Variants in OIT3 observed in about 807,000 individuals in gnomAD.
The protein encoded by OIT3 is oncoprotein-induced transcript 3 protein.
Under a neutral mutation model 52.2 loss-of-function variants are expected in OIT3, and 41 were observed. That is an observed-to-expected ratio of 0.79 (90% confidence interval 0.61 to 1.02). The LOEUF is 1.02. Among genes scored for constraint, OIT3 ranks in the 50% least tolerant of loss-of-function variants. The pLI is 0.00. For synonymous variants in OIT3, 244 were observed against 276.9 expected, an observed-to-expected ratio of 0.88 and a Z score of 1.18; for missense variants, 634 against 715.5, an observed-to-expected ratio of 0.89 and a Z score of 1.30.
intron 6 of OIT3, among the ~76,000 whole-genome samples, chr10:72,917,159 G>A (rs948380441): frequency 3.0e-4 from 46 of 152,038 alleles, no homozygotes; most frequent in Non-Finnish European, 8.8e-5. Context: ...AAGCTCTTTA[G>A]TTTAATTAGA....
At chr10:72,926,285 A>G (rs1223224687) in intron 7 of OIT3, among the ~76,000 whole-genome samples, 2 of 152,188 alleles carry the variant, frequency 1.3e-5, no homozygotes, top group Non-Finnish European at 2.9e-5. Context: ...TGCTGCTATC[A>G]ATCTCTTGCG....
chr10:72,899,039 G>A lies in OIT3; in HGVS notation c.436+1G>A, dbSNP rs755984906. On this transcript the variant is annotated splice_donor_variant, in intron 2 of 8. Coordinates refer to ENST00000334011, the MANE Select transcript of OIT3 (RefSeq NM_152635.3). LOFTEE classifies it high-confidence loss of function. ...GTCTGCTTCCACGTCTACTGTGGTCGTGAGTACCTTCCCTGTGCTCTTTTT... is the reference window on the plus strand; with the variant it reads ...GTCTGCTTCCACGTCTACTGTGGTCATGAGTACCTTCCCTGTGCTCTTTTT... 2.7e-5 allele frequency: 43 copies of A among 1,598,542 alleles called. No individual in the cohort carries two copies. The highest frequency in any genetic ancestry group is 2.7e-4 in the East Asian group (12 of 44,622).
chr10:72,918,609 A>G, intron 6 of OIT3: 1 of 739,770 alleles, frequency 1.4e-6, no homozygotes, highest in Admixed American at 1.9e-5. Flanking sequence ...GAACAGCCGC[A>G]CAGGACAGAA....
chr10:72,911,123 C>A (rs1424046440), intron 4 of OIT3, among the ~76,000 whole-genome samples: 2 of 151,988 alleles, frequency 1.3e-5, no homozygotes, highest in Non-Finnish European at 2.9e-5. Flanking sequence ...TAAACAAAAC[C>A]ATCCTGTGAA....
Position 72,932,509 on chromosome 10 carries a change from C to G in OIT3, c.1623C>G (p.Ile541Met). ...CGCTAACAGGCGGCCCGATCCGCAT[C>G]GACTGGGAGGACTAGTTCGTAGCCA... ...GQTLTGGPIR[I>M]DWED Residue 541 changes from isoleucine to methionine, a missense_variant, in exon 9 of 9, where the codon ATC becomes ATG. By Grantham distance (10) the Ile-to-Met change is conservative (BLOSUM62 1). Coordinates refer to ENST00000334011, the MANE Select transcript of OIT3 (RefSeq NM_152635.3). The G allele has an allele frequency of 6.2e-7, 1 of 1,606,726 alleles. No homozygotes were observed. The highest frequency in any genetic ancestry group is 8.5e-7 in the Non-Finnish European group (1 of 1,176,318).
intron 4 of OIT3, among the ~76,000 whole-genome samples, chr10:72,910,512 CA>C (rs565564577): frequency 1.1e-4 from 16 of 150,052 alleles, no homozygotes; most frequent in African/African-American, 3.2e-4. Context: ...AAACAAAAAA[CA>C]AAAAAAAATA....
At chr10:72,910,813 T>C (rs1846022312) in intron 4 of OIT3, among the ~76,000 whole-genome samples, 1 of 152,186 alleles carries the variant, frequency 6.6e-6, no homozygotes, top group African/African-American at 2.4e-5. Flanking sequence ...TTGTGGACCA[T>C]ACAGAATCTG....
chr10:72,924,245 T>C lies in OIT3; in HGVS notation c.968T>C (p.Ile323Thr), dbSNP rs1846147310. Residue 323 changes from isoleucine (I) to threonine (T), a missense_variant, in exon 7 of 9, where the codon ATT becomes ACT. Coordinates refer to ENST00000334011, the MANE Select transcript of OIT3 (RefSeq NM_152635.3). Reference sequence around the variant, plus strand: ...CTGGCTCAGGTGGTGAATGACAAGATTGTGGCCAGCAACCTCGTGACAGGT... The same window carrying C: ...CTGGCTCAGGTGGTGAATGACAAGACTGTGGCCAGCAACCTCGTGACAGGT... ...GTVVDVVNDKIVASNLVTGLP... is the reference protein window; with the variant it reads ...GTVVDVVNDKTVASNLVTGLP... 1 of 1,598,394 alleles carries C rather than the reference T, an allele frequency of 6.3e-7. No individual in the cohort carries two copies. The highest frequency in any genetic ancestry group is 8.6e-7 in the Non-Finnish European group (1 of 1,169,080).
chr10:72,928,254 A>G (rs1334921999), intron 7 of OIT3, among the ~76,000 whole-genome samples: 1 of 152,206 alleles, frequency 6.6e-6, no homozygotes, highest in Non-Finnish European at 1.5e-5. Flanking sequence ...AATCACTGGA[A>G]AAAGAAACAT....
intron 8 of OIT3, among the ~76,000 whole-genome samples, chr10:72,931,931 A>C (rs1475446193): frequency 6.6e-6 from 1 of 152,234 alleles, no homozygotes; most frequent in African/African-American, 2.4e-5. Context: ...AAGCTCAGGC[A>C]GTTACCTACA....
intron 6 of OIT3, chr10:72,918,008 ATCTTCATCT>A: frequency 2.5e-6 from 2 of 812,976 alleles, no homozygotes; most frequent in Non-Finnish European, 4.3e-6. Context: ...CTTCATCATC[ATCTTCATCT>A]TCTTCATCGT....
intron 8 of OIT3, 59 bp downstream of exon 8, chr10:72,930,696 T>G (rs78423621): frequency 1.1e-6 from 1 of 926,396 alleles, no homozygotes; most frequent in Non-Finnish European, 1.7e-6. Flanking sequence ...TTTTTTTTTT[T>G]GGTGTCCCAG....
chr10:72,913,966 A>G (rs1846052506), intron 6 of OIT3, among the ~76,000 whole-genome samples: 1 of 152,234 alleles, frequency 6.6e-6, no homozygotes, highest in South Asian at 2.1e-4. Flanking sequence ...CAGAATTGAG[A>G]TGACGACACA....
intron 4 of OIT3, among the ~76,000 whole-genome samples, chr10:72,910,925 G>A (rs1846023287): frequency 6.6e-6 from 1 of 152,176 alleles, no homozygotes; most frequent in African/African-American, 2.4e-5. Flanking sequence ...AATAATGTGT[G>A]CAGATTAGAA....
Position 72,929,290 on chromosome 10 carries a change from T to A in OIT3, c.1368-1248T>A, listed in dbSNP as rs1391105251. Among the ~76,000 whole-genome samples the A allele has an allele frequency of 4.0e-5, 6 of 151,816 alleles. No individual in the cohort carries two copies. The East Asian group carries it at 1.2e-3, about 29-fold the overall frequency. The stretch of plus-strand genomic sequence containing the variant: ...ACCCAGTTTAATCGGCTTTAATATC[T>A]GACCTCCACTTTTTTCCTGGCCCAG... On this transcript the variant is annotated intron_variant, in intron 7 of 8. Coordinates refer to ENST00000334011, the MANE Select transcript of OIT3 (RefSeq NM_152635.3).
Position 72,906,820 on chromosome 10 carries a change from C to T in OIT3, c.667+102C>T, listed in dbSNP as rs891347036. ...TGCCTTAGTGTCCGAAGAGAGCAAC[C>T]GTTTGGCTGTGCAAAGAAATGACAA... On this transcript the variant is annotated intron_variant, in intron 4 of 8. Transcript: ENST00000334011. 64 of 1,135,178 alleles carry T rather than the reference C, an allele frequency of 5.6e-5. No homozygotes were observed. In the African/African-American group the frequency reaches 9.3e-4, roughly 17 times the overall value. The allele number at this position is 1,135,178 out of a possible 1,614,324, so 70.3% of individuals were successfully genotyped here.
At chr10:72,917,968 C>T in intron 6 of OIT3, 1 of 849,594 alleles carries the variant, frequency 1.2e-6, no homozygotes, top group Non-Finnish European at 2.0e-6. Flanking sequence ...TCTTCAGCTT[C>T]CTCATTATCT....
rs146090082 is a variant in OIT3, at chr10:72,900,429, C to G, written c.489C>G (p.Ser163Arg). The change falls in exon 3 of 9, where the codon AGC becomes AGG. Residue 163 changes from serine to arginine, a missense_variant. Transcript: ENST00000334011. ...EDCHGSCSDT[S>R]ECTCAPGTVL... The stretch of plus-strand genomic sequence containing the variant: ...GCCATGGCAGCTGCTCAGATACCAG[C>G]GAGTGCACATGCGCTCCAGGAACTG... 71 of 1,612,732 alleles carry G rather than the reference C, an allele frequency of 4.4e-5. 1 individual carries two copies. The African/African-American group carries it at 8.4e-4, about 19-fold the overall frequency.
intron 4 of OIT3, among the ~76,000 whole-genome samples, chr10:72,908,269 T>C (rs1845998058): frequency 1.3e-5 from 2 of 151,992 alleles, no homozygotes; most frequent in South Asian, 2.1e-4. Flanking sequence ...ACTTCTACTT[T>C]AATAAGTCAG....
Sources: gnomAD v4.1 joint callset for allele counts (sites outside exome capture counted in the v4.1 genomes callset) on GRCh38, gnomAD v4.1.1 for gene constraint, MANE v1.5 for transcripts, NCBI Gene and HGNC (gene_info 2026-07-23, HGNC 2026-07-21) for gene names.